Variants in INTS6 observed in about 807,000 individuals in gnomAD.
The protein encoded by INTS6 is integrator complex subunit 6.
INTS6 carries 16 observed loss-of-function variants against 104.9 expected under a neutral mutation model. The ratio of observed to expected loss-of-function variants is 0.15; its 90% CI spans 0.10 to 0.23. INTS6 has a LOEUF of 0.23. INTS6 is among the 10% of genes least tolerant of loss of function. The pLI is 1.00. For missense variants in INTS6, 584 were observed against 1,062.8 expected, an observed-to-expected ratio of 0.55 and a Z score of 6.26; for synonymous variants, 324 against 358.7, an observed-to-expected ratio of 0.90 and a Z score of 1.09.
the INTS6 span, chr13:51,344,600 G>A: frequency 3.8e-6 from 3 of 798,124 alleles, no homozygotes; most frequent in South Asian, 4.8e-5. Context: ...TACAGCAGAA[G>A]TCTGTCCTCT....
At chr13:51,424,079 T>TTA (rs912992144) in intron 4 of INTS6, among the ~76,000 whole-genome samples, 7 of 152,040 alleles carry the variant, frequency 4.6e-5, no homozygotes, top group African/African-American at 1.7e-4. Flanking sequence ...CCACAGTACT[T>TTA]TATATATATA....
intron 3 of INTS6, among the ~76,000 whole-genome samples, chr13:51,430,799 G>A (rs1308887347): frequency 6.6e-6 from 1 of 152,098 alleles, no homozygotes; most frequent in East Asian, 1.9e-4. Flanking sequence ...CAAGACAGTA[G>A]GTGAACATTA....
At position 51,362,607 on chromosome 13, in the gene INTS6, T is replaced by A. The variant is rs1378365622; in HGVS notation, c.*3145A>T. 6.6e-6 allele frequency: 1 copy of A among 152,434 alleles called. No homozygotes were observed. Among genetic ancestry groups the A allele is most frequent in the Non-Finnish European group, 1.5e-5 (1 of 67,948 alleles). 9.4% of individuals were successfully genotyped at this position (152,434 alleles called of 1,614,324 possible). A position where few individuals can be genotyped will look rare whatever the true frequency, so the allele number is the denominator to read the frequency against. On this transcript the variant is annotated 3_prime_UTR_variant, in exon 18 of 18. Coordinates refer to ENST00000311234, the MANE Select transcript of INTS6 (RefSeq NM_012141.3). ...GAGTTGTTGGCAAGTCTAAACAGTGTATTAAAAAGAAATAGGATAGAACAA... is the reference window on the plus strand; with the variant it reads ...GAGTTGTTGGCAAGTCTAAACAGTGAATTAAAAAGAAATAGGATAGAACAA...
Position 51,440,439 on chromosome 13 carries a change from T to A in INTS6, c.340-10056A>T, listed in dbSNP as rs541585626. On this transcript the variant is annotated intron_variant, in intron 3 of 17. Transcript: ENST00000311234. Reference sequence around the variant, plus strand: ...AAGGTTAATTTATTATTGGAGAAAATTTTTTAATAAATTTAGTGTAGCCTA... The same window carrying A: ...AAGGTTAATTTATTATTGGAGAAAAATTTTTAATAAATTTAGTGTAGCCTA... 7.9e-5 allele frequency: 12 copies of A among 152,138 alleles called. No homozygotes were observed. The East Asian group carries it at 2.3e-3, about 29-fold the overall frequency. 9.4% of individuals were successfully genotyped at this position (152,138 alleles called of 1,614,324 possible). A position where few individuals can be genotyped will look rare whatever the true frequency, so the allele number is the denominator to read the frequency against.
At chr13:51,437,010 T>C (rs1952702835) in intron 3 of INTS6, 1 of 152,198 alleles carries the variant, frequency 6.6e-6, no homozygotes. Flanking sequence ...CCTAGCACTT[T>C]GGGAGACCGA....
chr13:51,401,925 GAAAACCTT>G (rs1956448600), intron 4 of INTS6, among the ~76,000 whole-genome samples: 1 of 151,872 alleles, frequency 6.6e-6, no homozygotes, highest in African/African-American at 2.4e-5. Flanking sequence ...AATGAAAAAA[GAAAACCTT>G]AATTATAAAA....
the INTS6 span, chr13:51,340,782 A>G: frequency 8.4e-6 from 4 of 474,276 alleles, no homozygotes; most frequent in South Asian, 4.9e-5. Flanking sequence ...TGATCTGACC[A>G]GGGCTTTGCT....
At chr13:51,411,524 G>A (rs953629010) in intron 4 of INTS6, among the ~76,000 whole-genome samples, 1 of 151,242 alleles carries the variant, frequency 6.6e-6, no homozygotes, top group Non-Finnish European at 1.5e-5. Context: ...TTGCACTCCA[G>A]TCTGGGTGGC....
chr13:51,347,859 G>A, the INTS6 span, among the ~76,000 whole-genome samples: 242 of 152,020 alleles, frequency 1.6e-3, 3 homozygotes, highest in East Asian at 0.032. Context: ...TGCAGGGCTC[G>A]TTACCATCCA....
the INTS6 span, among the ~76,000 whole-genome samples, chr13:51,348,848 G>GTCCCCCCATGACCCCCTGATCCAGCC: frequency 2.3e-4 from 34 of 150,276 alleles, no homozygotes; most frequent in South Asian, 4.2e-4. Context: ...ACGTAATTGA[G>GTCCCCCCATGACCCCCTGATCCAGCC]CAAGTACAGA....
chr13:51,416,246 G>C (rs1482323040), intron 4 of INTS6, among the ~76,000 whole-genome samples: 1 of 152,182 alleles, frequency 6.6e-6, no homozygotes, highest in Non-Finnish European at 1.5e-5. Flanking sequence ...GGGTGTATGA[G>C]AGTAAAGATA....
downstream of INTS6, chr13:51,361,401 A>G (rs530084414): frequency 4.2e-5 from 53 of 1,275,510 alleles, no homozygotes; most frequent in Admixed American, 3.8e-4. Flanking sequence ...CTGCTTACCC[A>G]TATCTACCTT....
chr13:51,448,716 C>T (rs965623305), intron 3 of INTS6: 1 of 152,094 alleles, frequency 6.6e-6, no homozygotes, highest in African/African-American at 2.4e-5. Context: ...TAATTCAGAA[C>T]ATTAAAGTTT....
chr13:51,450,075 C>T (rs888988269), intron 3 of INTS6: 7 of 985,142 alleles, frequency 7.1e-6, no homozygotes, highest in Non-Finnish European at 8.4e-6. Context: ...AAAGAATTTC[C>T]CTGAAATGTA....
chr13:51,348,087 G>T, the INTS6 span: 10 of 693,766 alleles, frequency 1.4e-5, no homozygotes, highest in Admixed American at 1.4e-4. Flanking sequence ...ACCGCCTCCT[G>T]AGGGTGAGGT....
At chr13:51,347,964 C>A in the INTS6 span, among the ~76,000 whole-genome samples, 3 of 152,226 alleles carry the variant, frequency 2.0e-5, no homozygotes, top group East Asian at 3.9e-4. Flanking sequence ...CGTCCCCCCC[C>A]CCATACCCAG....
chr13:51,347,956 T>TC, the INTS6 span, among the ~76,000 whole-genome samples: 5,584 of 147,208 alleles, frequency 0.038, 112 homozygotes, highest in Non-Finnish European at 0.052. Context: ...TGTGCCATCG[T>TC]CCCCCCCCCC....
chr13:51,396,305 A>G (rs182710282), intron 4 of INTS6, among the ~76,000 whole-genome samples: 103 of 152,306 alleles, frequency 6.8e-4, no homozygotes, highest in African/African-American at 2.5e-3. Flanking sequence ...TTACATTTTA[A>G]ATGTAGTGAT....
intron 7 of INTS6, chr13:51,385,043 A>AT (rs1956117494): frequency 6.1e-6 from 1 of 162,882 alleles, no homozygotes; most frequent in Non-Finnish European, 1.3e-5. Flanking sequence ...AATATCACAT[A>AT]TAAAGATCTT....
Sources: gnomAD v4.1 joint callset for allele counts (sites outside exome capture counted in the v4.1 genomes callset) on GRCh38, gnomAD v4.1.1 for gene constraint, MANE v1.5 for transcripts, NCBI Gene and HGNC (gene_info 2026-07-23, HGNC 2026-07-21) for gene names.